HUWE1: variants seen among roughly 807,000 people sequenced by gnomAD.
The protein encoded by HUWE1 is E3 ubiquitin-protein ligase HUWE1.
In HUWE1, 18 loss-of-function variants were observed where a neutral mutation model predicts 299.4. The ratio of observed to expected loss-of-function variants is 0.06; its 90% CI spans 0.04 to 0.09. The LOEUF (loss-of-function observed/expected upper bound fraction) is 0.09, where lower values mean the gene tolerates loss of function less well. HUWE1 is among the 10% of genes least tolerant of loss of function. The probability of loss-of-function intolerance (pLI) is 1.00; values close to 1 mark genes in which losing one functional copy is unlikely to be tolerated. For synonymous variants in HUWE1, 1,317 were observed against 1,286.1 expected (o/e 1.02, Z -0.51); for missense variants, 1,832 against 3,462.3 (o/e 0.53, Z 11.82).
At chrX:53,626,172 A>G (rs1557017579) in intron 17 of HUWE1, 1 of 284,740 alleles carries the variant, frequency 3.5e-6, no homozygotes, top group African/African-American at 2.9e-5. Flanking sequence ...CCCCAAAATG[A>G]AAATATATCA....
intron 51 of HUWE1, among the ~76,000 whole-genome samples, chrX:53,564,114 A>G (rs1448675747): frequency 8.9e-6 from 1 of 112,095 alleles, no homozygotes; most frequent in Admixed American, 9.4e-5. Flanking sequence ...TTAGGACCAC[A>G]GGCCCAATTT....
intron 2 of HUWE1, among the ~76,000 whole-genome samples, chrX:53,682,621 C>G (rs1198754112): frequency 1.8e-5 from 2 of 110,863 alleles, no homozygotes; most frequent in Non-Finnish European, 3.8e-5. Context: ...GGTTATCTTC[C>G]TTCTAAGGGA....
intron 3 of HUWE1, among the ~76,000 whole-genome samples, chrX:53,661,739 C>A (rs186249920): frequency 0.016 from 1,773 of 112,000 alleles, 36 homozygotes; most frequent in African/African-American, 0.054. Flanking sequence ...TAAAAGAAAA[C>A]AAGTGAATTA....
At chrX:53,644,648 C>T (rs1267025401) in intron 7 of HUWE1, among the ~76,000 whole-genome samples, 1 of 111,883 alleles carries the variant, frequency 8.9e-6, no homozygotes, top group South Asian at 3.7e-4. Flanking sequence ...AATCATGGCA[C>T]CTGAATTAGC....
At chrX:53,617,299 C>T (rs2065859491) in intron 20 of HUWE1, 41 bp downstream of exon 20, 10 of 1,017,908 alleles carry the variant, frequency 9.8e-6, no homozygotes, top group East Asian at 6.4e-5. Flanking sequence ...AGGATTTTCA[C>T]GCCCTAAGAC....
chrX:53,588,405 A>G lies in HUWE1; in HGVS notation c.4591T>C (p.Leu1531=). 1 of 1,210,199 alleles carries G rather than the reference A, an allele frequency of 8.3e-7. No individual in the cohort carries two copies. The highest frequency in any genetic ancestry group is 1.1e-6 in the Non-Finnish European group (1 of 894,804). ...PQASNLATRI[L]LLTLLFEELK... is the part of the protein sequence containing the mutation. ...ACCTCAAAAAGTAGCGTTAAAAGCA[A>G]GATTCTAGTAGCCAAATTGGAGGCC... Residue 1531 remains leucine (L), a synonymous_variant, in exon 37 of 84, where the codon TTG becomes CTG. Coordinates refer to ENST00000262854, the MANE Select transcript of HUWE1 (RefSeq NM_031407.7).
At chrX:53,627,911 A>AACTATAAAG in intron 15 of HUWE1, 32 bp from the exon 16 acceptor site, 3 of 1,186,939 alleles carry the variant, frequency 2.5e-6, no homozygotes, top group Non-Finnish European at 3.4e-6. Context: ...AAAAACAATG[A>AACTATAAAG]ACTATAAAGA....
intron 3 of HUWE1, among the ~76,000 whole-genome samples, chrX:53,670,841 C>G (rs1463922853): frequency 1.8e-5 from 2 of 111,413 alleles, no homozygotes; most frequent in African/African-American, 6.5e-5. Flanking sequence ...CGTGTACGTA[C>G]GTATATGTAT....
At chrX:53,566,917 A>AT (rs1192449916) in intron 49 of HUWE1, among the ~76,000 whole-genome samples, 1 of 111,194 alleles carries the variant, frequency 9.0e-6, no homozygotes, top group Non-Finnish European at 1.9e-5. Flanking sequence ...GGAAAATGTC[A>AT]TAAAAAAAAA....
chrX:53,579,446 G>A (rs1382029217), intron 43 of HUWE1, among the ~76,000 whole-genome samples: 2 of 112,524 alleles, frequency 1.8e-5, no homozygotes, highest in Non-Finnish European at 3.8e-5. Context: ...TCTGGGAGGT[G>A]TGCCCAGTGG....
At chrX:53,625,759 A>T (rs1222658304) in intron 17 of HUWE1, 3 of 129,896 alleles carry the variant, frequency 2.3e-5, no homozygotes, top group African/African-American at 9.6e-5. Context: ...CCACTCTGAA[A>T]GACTGCACAT....
At chrX:53,665,128 A>G (rs1246821899) in intron 3 of HUWE1, among the ~76,000 whole-genome samples, 1 of 111,389 alleles carries the variant, frequency 9.0e-6, no homozygotes, top group Non-Finnish European at 1.9e-5. Flanking sequence ...CATAATGTCT[A>G]TATGCACAGC....
At chrX:53,604,975 T>C (rs2065073798) in intron 25 of HUWE1, 141 bp from the exon 26 acceptor site, 1 of 530,294 alleles carries the variant, frequency 1.9e-6, no homozygotes, top group African/African-American at 2.3e-5. Context: ...ACCTGGTAAA[T>C]GGTGGAACCC....
intron 45 of HUWE1, 145 bp downstream of exon 45, chrX:53,575,498 A>C (rs1489781614): frequency 9.0e-6 from 6 of 664,310 alleles, no homozygotes; most frequent in Non-Finnish European, 1.4e-5. Context: ...GGGACACCCC[A>C]ATTTTGTCTT....
At chrX:53,552,974 C>G in intron 61 of HUWE1, 81 bp from the exon 62 acceptor site, 2 of 1,056,338 alleles carry the variant, frequency 1.9e-6, no homozygotes, top group Non-Finnish European at 2.6e-6. Context: ...GATAGGGCTG[C>G]TTCCTTAGGG....
At chrX:53,565,843 G>A (rs1341843901) in intron 49 of HUWE1, among the ~76,000 whole-genome samples, 1 of 109,327 alleles carries the variant, frequency 9.1e-6, no homozygotes, top group Non-Finnish European at 1.9e-5. Context: ...TGTTGCTCAT[G>A]CTGATCTCGA....
intron 36 of HUWE1, 29 bp downstream of exon 36, chrX:53,589,518 T>TCC (rs782110440): frequency 7.5e-6 from 9 of 1,198,328 alleles, no homozygotes; most frequent in African/African-American, 7.0e-5. Context: ...CTTCACATAC[T>TCC]CCCCTCTTCT....
At chrX:53,620,169 G>A (rs1263000586) in intron 19 of HUWE1, among the ~76,000 whole-genome samples, 1 of 110,893 alleles carries the variant, frequency 9.0e-6, no homozygotes, top group Non-Finnish European at 1.9e-5. Flanking sequence ...TGGTAACACC[G>A]ACTCTGACCA....
intron 16 of HUWE1, 100 bp downstream of exon 16, chrX:53,627,639 A>G: frequency 3.3e-6 from 3 of 902,162 alleles, no homozygotes; most frequent in Non-Finnish European, 4.7e-6. Context: ...TTCTAGAAAC[A>G]GAAGAGACTG....
Sources: gnomAD v4.1 joint callset for allele counts (sites outside exome capture counted in the v4.1 genomes callset) on GRCh38, gnomAD v4.1.1 for gene constraint, MANE v1.5 for transcripts, NCBI Gene and HGNC (gene_info 2026-07-23, HGNC 2026-07-21) for gene names.